Variants in NKAIN3 observed in about 807,000 individuals in gnomAD.
NKAIN3 encodes sodium/potassium transporting ATPase interacting 3.
NKAIN3 carries 25 observed loss-of-function variants against 30.2 expected under a neutral mutation model. The ratio of observed to expected loss-of-function variants is 0.83; its 90% CI spans 0.60 to 1.16. NKAIN3 has a LOEUF of 1.16. Among genes scored for constraint, NKAIN3 ranks in the 50% most tolerant of loss-of-function variants. The pLI is 0.00. For missense variants in NKAIN3, 225 were observed against 254.1 expected (o/e 0.89, Z 0.78); for synonymous variants, 91 against 89.6 (o/e 1.02, Z -0.09).
Position 62,973,316 on chromosome 8 carries a change from C to T in NKAIN3, c.*7909C>T, listed in dbSNP as rs932078368. Among the ~76,000 whole-genome samples, 1 of 152,220 alleles carries T rather than the reference C, an allele frequency of 6.6e-6. No individual in the cohort carries two copies. Among genetic ancestry groups the T allele is most frequent in the Non-Finnish European group, 1.5e-5 (1 of 68,040 alleles). ...TGTTAAAAGCATTCCTATTTCTCCA[C>T]ATCCTCTCCAGCCTCTGTTGTATCC... On this transcript the variant is annotated 3_prime_UTR_variant, in exon 7 of 7. Coordinates refer to ENST00000623646, the MANE Select transcript of NKAIN3 (RefSeq NM_001304533.3).
At chr8:62,917,250 G>A (rs146004461) in intron 4 of NKAIN3, among the ~76,000 whole-genome samples, 1 of 152,268 alleles carries the variant, frequency 6.6e-6, no homozygotes, top group African/African-American at 2.4e-5. Flanking sequence ...ACTCTTCCAA[G>A]TGTGAGTTGG....
intron 1 of NKAIN3, among the ~76,000 whole-genome samples, chr8:62,471,933 T>G (rs1349742000): frequency 1.3e-5 from 2 of 151,336 alleles, no homozygotes; most frequent in Admixed American, 6.6e-5. Context: ...TGCTCCAGCC[T>G]GGGTGTCAGA....
At chr8:62,754,920 A>G (rs951271270) in intron 4 of NKAIN3, among the ~76,000 whole-genome samples, 1 of 152,238 alleles carries the variant, frequency 6.6e-6, no homozygotes, top group Non-Finnish European at 1.5e-5. Flanking sequence ...AAGTCAAAAG[A>G]CAGGTGAAAC....
chr8:62,325,762 A>C (rs548801996), intron 1 of NKAIN3, among the ~76,000 whole-genome samples: 7 of 152,004 alleles, frequency 4.6e-5, no homozygotes, highest in Non-Finnish European at 1.0e-4. Flanking sequence ...AAATTCAAGT[A>C]ACTTTAATAA....
At chr8:62,504,890 A>C (rs1807581337) in intron 1 of NKAIN3, among the ~76,000 whole-genome samples, 1 of 152,174 alleles carries the variant, frequency 6.6e-6, no homozygotes, top group African/African-American at 2.4e-5. Flanking sequence ...TATCCAGGTT[A>C]ATGACTTTCT....
At chr8:62,380,223 A>C (rs1229276637) in intron 1 of NKAIN3, among the ~76,000 whole-genome samples, 1 of 152,186 alleles carries the variant, frequency 6.6e-6, no homozygotes, top group Non-Finnish European at 1.5e-5. Context: ...TTATGAGAAG[A>C]GTTTTAAATT....
intron 4 of NKAIN3, among the ~76,000 whole-genome samples, chr8:62,879,026 C>T (rs1820889208): frequency 6.6e-6 from 1 of 152,112 alleles, no homozygotes; most frequent in Admixed American, 6.5e-5. Context: ...GGTATATACC[C>T]AGTAATGGGA....
chr8:62,428,783 C>T (rs974941883), intron 1 of NKAIN3, among the ~76,000 whole-genome samples: 7 of 151,816 alleles, frequency 4.6e-5, no homozygotes, highest in Admixed American at 2.0e-4. Flanking sequence ...TGGGTTTTCT[C>T]TTCACTTATT....
At chr8:62,794,534 A>G (rs1340732619) in intron 4 of NKAIN3, among the ~76,000 whole-genome samples, 1 of 152,138 alleles carries the variant, frequency 6.6e-6, no homozygotes, top group Admixed American at 6.6e-5. Context: ...TTACATATCT[A>G]TTAAAGTGTT....
chr8:62,519,186 T>G (rs1317545835), intron 1 of NKAIN3, among the ~76,000 whole-genome samples: 2 of 152,068 alleles, frequency 1.3e-5, no homozygotes, highest in Non-Finnish European at 2.9e-5. Flanking sequence ...TACCAACAGA[T>G]GAAGTAACCA....
chr8:62,580,309 A>T (rs866793697), intron 2 of NKAIN3, among the ~76,000 whole-genome samples: 6 of 152,212 alleles, frequency 3.9e-5, no homozygotes, highest in African/African-American at 1.4e-4. Flanking sequence ...GCTGTGACCC[A>T]CAATCTAATG....
intron 4 of NKAIN3, among the ~76,000 whole-genome samples, chr8:62,874,870 G>C (rs962977368): frequency 3.3e-5 from 5 of 152,040 alleles, no homozygotes; most frequent in African/African-American, 1.2e-4. Flanking sequence ...CTATTGAATG[G>C]GCAAAAGCTG....
chr8:62,896,355 G>C (rs1434910590), intron 4 of NKAIN3, among the ~76,000 whole-genome samples: 2 of 152,106 alleles, frequency 1.3e-5, no homozygotes, highest in African/African-American at 4.8e-5. Context: ...TTAAGGATTA[G>C]AGTTTGAACA....
chr8:62,410,474 C>A (rs1033382906), intron 1 of NKAIN3, among the ~76,000 whole-genome samples: 2 of 151,880 alleles, frequency 1.3e-5, no homozygotes, highest in Admixed American at 1.3e-4. Context: ...TGTATATACC[C>A]AGTAATGGGA....
chr8:62,910,965 T>C (rs1163375958), intron 4 of NKAIN3, among the ~76,000 whole-genome samples: 1 of 152,184 alleles, frequency 6.6e-6, no homozygotes, highest in Non-Finnish European at 1.5e-5. Flanking sequence ...TAAATGCTGA[T>C]GGACTCCAGC....
At chr8:62,849,215 G>T (rs1179844276) in intron 4 of NKAIN3, among the ~76,000 whole-genome samples, 1 of 151,306 alleles carries the variant, frequency 6.6e-6, no homozygotes, top group African/African-American at 2.4e-5. Context: ...TCAATTTTTT[G>T]GAATAGTTTC....
At chr8:62,343,497 C>T (rs576040552) in intron 1 of NKAIN3, among the ~76,000 whole-genome samples, 15 of 152,060 alleles carry the variant, frequency 9.9e-5, no homozygotes, top group Non-Finnish European at 2.1e-4. Flanking sequence ...ATTTAACAAA[C>T]ATTTAAACAA....
intron 4 of NKAIN3, among the ~76,000 whole-genome samples, chr8:62,906,451 G>A (rs184996158): frequency 1.8e-4 from 28 of 152,314 alleles, no homozygotes; most frequent in Admixed American, 1.4e-3. Context: ...ATTTCAGAGA[G>A]TCATTTTGAA....
rs982668428 is a variant in NKAIN3 at position 62,971,627 on chromosome 8, T to C, written c.*6220T>C. 4.1e-5 allele frequency among the ~76,000 whole-genome samples: 6 copies of C among 146,802 alleles called. No homozygotes were observed. Among genetic ancestry groups the C allele is most frequent in the Non-Finnish European group, 7.5e-5 (5 of 66,432 alleles). ...CAACCTGGGAGATGGAGCCAAACCT[T>C]GTCTCAAAAAAAAAGCGGGGGGGGC... On this transcript the variant is annotated 3_prime_UTR_variant, in exon 7 of 7. Coordinates refer to ENST00000623646, the MANE Select transcript of NKAIN3 (RefSeq NM_001304533.3).
Sources: allele counts gnomAD v4.1 joint callset (sites outside exome capture counted in the v4.1 genomes callset), GRCh38; gene constraint gnomAD v4.1.1; transcripts MANE v1.5; gene names NCBI Gene and HGNC (gene_info 2026-07-23, HGNC 2026-07-21).